MITF: variants seen among roughly 807,000 people sequenced by gnomAD.
The protein encoded by MITF is melanocyte inducing transcription factor.
MITF carries 17 observed loss-of-function variants against 60.5 expected under a neutral mutation model. The observed-to-expected ratio is 0.28, with a 90% CI of 0.19 to 0.42. The LOEUF is 0.42. Ranked by LOEUF, MITF falls within the 10% of genes least tolerant of loss-of-function variation. MITF has a pLI of 1.00. For missense variants in MITF, 622 were observed against 683.5 expected (o/e 0.91, Z 1.00); for synonymous variants, 260 against 248.5 (o/e 1.05, Z -0.43).
intron 2 of MITF, among the ~76,000 whole-genome samples, chr3:69,915,618 A>G (rs2065317183): frequency 6.6e-6 from 1 of 152,150 alleles, no homozygotes; most frequent in African/African-American, 2.4e-5. Flanking sequence ...AGCAACAATA[A>G]GCAACTTTTG....
At chr3:69,822,724 T>C (rs1167696031) in intron 1 of MITF, among the ~76,000 whole-genome samples, 1 of 152,172 alleles carries the variant, frequency 6.6e-6, no homozygotes, top group Non-Finnish European at 1.5e-5. Context: ...TTCCCACATT[T>C]TGAATTCACC....
At chr3:69,816,651 A>G (rs931095812) in intron 1 of MITF, among the ~76,000 whole-genome samples, 1 of 152,202 alleles carries the variant, frequency 6.6e-6, no homozygotes, top group Non-Finnish European at 1.5e-5. Flanking sequence ...ATCTTTGGCA[A>G]TTAGTTAACA....
intron 1 of MITF, among the ~76,000 whole-genome samples, chr3:69,870,825 G>T (rs910295472): frequency 2.3e-4 from 35 of 152,154 alleles, no homozygotes; most frequent in African/African-American, 8.4e-4. Context: ...TTGTGGGTGG[G>T]AGTGTGCCTA....
chr3:69,870,440 A>ATTTTT (rs1356293333), intron 1 of MITF, among the ~76,000 whole-genome samples: 6 of 135,262 alleles, frequency 4.4e-5, no homozygotes, highest in African/African-American at 1.7e-4. Context: ...ATATATATAT[A>ATTTTT]TTTTTTTTTT....
intron 1 of MITF, among the ~76,000 whole-genome samples, chr3:69,765,920 A>G (rs1036487340): frequency 6.6e-6 from 1 of 152,218 alleles, no homozygotes; most frequent in Non-Finnish European, 1.5e-5. Context: ...TTCAAATGTC[A>G]TTGTGGAGCT....
At chr3:69,925,457 G>A (rs961620087) in intron 2 of MITF, among the ~76,000 whole-genome samples, 16 of 152,140 alleles carry the variant, frequency 1.1e-4, no homozygotes, top group African/African-American at 3.6e-4. Flanking sequence ...GCATTTCAGA[G>A]CATTATATAA....
At chr3:69,914,371 C>T (rs2065288511) in intron 2 of MITF, among the ~76,000 whole-genome samples, 1 of 152,204 alleles carries the variant, frequency 6.6e-6, no homozygotes, top group African/African-American at 2.4e-5. Context: ...ATCCGCCTCC[C>T]TCGGCCTCCC....
At chr3:69,865,923 C>CT (rs2064105277) in intron 1 of MITF, among the ~76,000 whole-genome samples, 2 of 152,132 alleles carry the variant, frequency 1.3e-5, no homozygotes. Flanking sequence ...ATTACCTCTC[C>CT]TTTTAAGTTC....
intron 9 of MITF, among the ~76,000 whole-genome samples, chr3:69,960,156 G>T (rs2066504718): frequency 1.3e-5 from 2 of 152,146 alleles, no homozygotes. Context: ...CGTTAAACAA[G>T]AAGATGCCTT....
At chr3:69,757,708 G>C (rs1424298872) in intron 1 of MITF, among the ~76,000 whole-genome samples, 1 of 152,172 alleles carries the variant, frequency 6.6e-6, no homozygotes, top group Non-Finnish European at 1.5e-5. Context: ...GTATCTAAAT[G>C]GGTGGACGGT....
intron 1 of MITF, among the ~76,000 whole-genome samples, chr3:69,868,555 C>T (rs891659138): frequency 6.6e-6 from 1 of 152,116 alleles, no homozygotes; most frequent in Non-Finnish European, 1.5e-5. Flanking sequence ...CCTGATGCCA[C>T]GGTTTTCGTC....
intron 1 of MITF, among the ~76,000 whole-genome samples, chr3:69,848,257 A>T (rs894852404): frequency 6.6e-6 from 1 of 152,226 alleles, no homozygotes; most frequent in African/African-American, 2.4e-5. Context: ...GATGGCAGAG[A>T]TAAGCAGATA....
chr3:69,864,006 T>C (rs1008126079), intron 1 of MITF, among the ~76,000 whole-genome samples: 2 of 152,232 alleles, frequency 1.3e-5, no homozygotes, highest in African/African-American at 4.8e-5. Context: ...TTGGTCAATA[T>C]TAATACAGGA....
chr3:69,921,886 G>T (rs530666143), intron 2 of MITF, among the ~76,000 whole-genome samples: 1 of 152,198 alleles, frequency 6.6e-6, no homozygotes, highest in Admixed American at 6.5e-5. Context: ...AGGCTGTCTT[G>T]TGCATCGTAG....
At chr3:69,904,948 T>C (rs1219326409) in intron 2 of MITF, among the ~76,000 whole-genome samples, 1 of 152,208 alleles carries the variant, frequency 6.6e-6, no homozygotes, top group Non-Finnish European at 1.5e-5. Context: ...CAATAATAGC[T>C]ATTTCTTATT....
chr3:69,962,191 T>A (rs1201903180), intron 9 of MITF, among the ~76,000 whole-genome samples: 1 of 152,226 alleles, frequency 6.6e-6, no homozygotes, highest in African/African-American at 2.4e-5. Flanking sequence ...CTTATTAGCA[T>A]GTTGGTGTAG....
chr3:69,906,862 A>G (rs995015539), intron 2 of MITF, among the ~76,000 whole-genome samples: 1 of 152,162 alleles, frequency 6.6e-6, no homozygotes, highest in Non-Finnish European at 1.5e-5. Flanking sequence ...GAATGAAAAT[A>G]GGAGCTGTCA....
chr3:69,822,148 C>T (rs1002671981), intron 1 of MITF, among the ~76,000 whole-genome samples: 5 of 152,224 alleles, frequency 3.3e-5, no homozygotes, highest in African/African-American at 1.2e-4. Context: ...CTATAAACCA[C>T]ACCTGGCCTG....
chr3:69,929,561 G>A (rs2065670250), intron 2 of MITF, among the ~76,000 whole-genome samples: 1 of 152,122 alleles, frequency 6.6e-6, no homozygotes, highest in African/African-American at 2.4e-5. Context: ...TAGCATTGAT[G>A]TAGGGACTTC....
Sources: allele counts gnomAD v4.1 joint callset (sites outside exome capture counted in the v4.1 genomes callset), GRCh38; gene constraint gnomAD v4.1.1; transcripts MANE v1.5; gene names NCBI Gene and HGNC (gene_info 2026-07-23, HGNC 2026-07-21).